Variants in DDX10 observed in about 807,000 individuals in gnomAD.
DDX10 encodes the protein DEAD-box helicase 10, also known as probable ATP-dependent RNA helicase DDX10.
In DDX10, 74 loss-of-function variants were observed where a neutral mutation model predicts 104.3. That is an observed-to-expected ratio of 0.71 (90% CI 0.59 to 0.86). DDX10 has a LOEUF of 0.86. Ranked by LOEUF, DDX10 falls within the 40% of genes least tolerant of loss-of-function variation. The probability of loss-of-function intolerance (pLI) is 0.00; values close to 1 mark genes in which losing one functional copy is unlikely to be tolerated. For synonymous variants in DDX10, 351 were observed against 353.4 expected (o/e 0.99, Z 0.08); for missense variants, 952 against 1,040.0 (o/e 0.92, Z 1.16).
At chr11:108,842,182 A>G (rs370565034) in intron 15 of DDX10, among the ~76,000 whole-genome samples, 9 of 152,218 alleles carry the variant, frequency 5.9e-5, no homozygotes, top group African/African-American at 1.9e-4. Context: ...GTGGTCACAC[A>G]TGATATTGTT....
intron 16 of DDX10, among the ~76,000 whole-genome samples, chr11:108,900,267 A>G (rs557842876): frequency 6.6e-6 from 1 of 152,318 alleles, no homozygotes; most frequent in African/African-American, 2.4e-5. Flanking sequence ...TTGTGAGCCA[A>G]TTAAACCTCT....
At position 108,691,872 on chromosome 11, in the gene DDX10, C is replaced by T. The variant is rs751398563; in HGVS notation, c.976-4C>T. 45 of 1,611,050 alleles carry T rather than the reference C, an allele frequency of 2.8e-5. No homozygotes were observed. Among genetic ancestry groups the T allele is most frequent in the Non-Finnish European group, 3.5e-5 (41 of 1,178,840 alleles). ...GCAAACTTATTCTTCTGTTGATGCC[C>T]CAGGTCCAGTATCTGTACCGAGTGT... On this transcript the variant is annotated splice_region_variant and splice_polypyrimidine_tract_variant and intron_variant, in intron 7 of 17. Transcript: ENST00000322536.
intron 16 of DDX10, among the ~76,000 whole-genome samples, chr11:108,880,520 G>T (rs1863213802): frequency 6.6e-6 from 1 of 152,216 alleles, no homozygotes; most frequent in East Asian, 1.9e-4. Flanking sequence ...TCAGAAGCCC[G>T]CTGTGTAAAC....
intron 16 of DDX10, among the ~76,000 whole-genome samples, chr11:108,860,262 G>C (rs913772242): frequency 6.6e-6 from 1 of 152,080 alleles, no homozygotes; most frequent in Non-Finnish European, 1.5e-5. Context: ...GTATGTAAAG[G>C]CTATATTAAG....
chr11:108,842,390 A>G (rs986826735), intron 15 of DDX10, among the ~76,000 whole-genome samples: 1 of 151,302 alleles, frequency 6.6e-6, no homozygotes, highest in African/African-American at 2.5e-5. Context: ...AGAACAAAAT[A>G]CCTTTGGATG....
intron 13 of DDX10, among the ~76,000 whole-genome samples, chr11:108,734,848 A>G (rs116403470): frequency 0.012 from 1,786 of 152,294 alleles, 37 homozygotes; most frequent in African/African-American, 0.041. Flanking sequence ...GAGTTTTCAA[A>G]TTCATAAACA....
chr11:108,815,837 GGA>G (rs1180620028), intron 13 of DDX10, among the ~76,000 whole-genome samples: 1 of 152,064 alleles, frequency 6.6e-6, no homozygotes, highest in Non-Finnish European at 1.5e-5. Context: ...ATTGAAATCT[GGA>G]CCTTCATCAT....
In DDX10 at chr11:108,679,355, C is replaced by A. The variant is rs768521720; in HGVS notation, c.659-16C>A. 1 of 1,579,192 alleles carries A rather than the reference C, an allele frequency of 6.3e-7. No individual in the cohort carries two copies. The highest frequency in any genetic ancestry group is 8.6e-7 in the Non-Finnish European group (1 of 1,167,746). ...ATTTTACATATGATAGTTCAACTTGCATTTTCCTTTTTCAGTTCTTGATGA... is the reference window on the plus strand; with the variant it reads ...ATTTTACATATGATAGTTCAACTTGAATTTTCCTTTTTCAGTTCTTGATGA... On this transcript the variant is annotated splice_polypyrimidine_tract_variant and intron_variant, in intron 5 of 17. Coordinates refer to ENST00000322536, the MANE Select transcript of DDX10 (RefSeq NM_004398.4).
At chr11:108,796,827 C>T (rs958743382) in intron 13 of DDX10, among the ~76,000 whole-genome samples, 4 of 152,112 alleles carry the variant, frequency 2.6e-5, no homozygotes, top group Non-Finnish European at 5.9e-5. Context: ...TGGATTAATG[C>T]TACTGTTGTG....
At chr11:108,665,428 G>A in intron 1 of DDX10, 89 bp downstream of exon 1, 1 of 1,413,804 alleles carries the variant, frequency 7.1e-7, no homozygotes, top group Non-Finnish European at 9.3e-7. Context: ...GGAGGCGGCG[G>A]ATCTGTCACC....
At chr11:108,840,327 T>C (rs1862619726) in intron 14 of DDX10, among the ~76,000 whole-genome samples, 1 of 152,216 alleles carries the variant, frequency 6.6e-6, no homozygotes, top group South Asian at 2.1e-4. Flanking sequence ...ATGTGTGTGC[T>C]TGCAGTTTCC....
chr11:108,865,144 C>T (rs1407497235), intron 16 of DDX10, among the ~76,000 whole-genome samples: 2 of 152,136 alleles, frequency 1.3e-5, no homozygotes, highest in Non-Finnish European at 1.5e-5. Flanking sequence ...GGAGAGAGTG[C>T]TTCGAGTGAT....
At chr11:108,686,421 C>T (rs375527376) in intron 6 of DDX10, among the ~76,000 whole-genome samples, 11 of 152,148 alleles carry the variant, frequency 7.2e-5, no homozygotes, top group Admixed American at 2.0e-4. Context: ...CCCTGGCAGC[C>T]GCTGATCTTT....
At chr11:108,910,167 C>T (rs1336563827) in intron 16 of DDX10, among the ~76,000 whole-genome samples, 1 of 151,152 alleles carries the variant, frequency 6.6e-6, no homozygotes, top group Non-Finnish European at 1.5e-5. Context: ...GCATGTTTTA[C>T]AAAGCTTATA....
intron 14 of DDX10, among the ~76,000 whole-genome samples, chr11:108,839,683 A>C (rs557960127): frequency 6.6e-6 from 1 of 152,346 alleles, no homozygotes; most frequent in African/African-American, 2.4e-5. Flanking sequence ...TGGGATGTAT[A>C]AATCAGACGA....
chr11:108,912,390 C>T (rs186629189), intron 16 of DDX10, among the ~76,000 whole-genome samples: 26 of 152,126 alleles, frequency 1.7e-4, no homozygotes, highest in African/African-American at 5.8e-4. Context: ...CTTAATATTT[C>T]TCATACCGAT....
chr11:108,882,205 A>G (rs899259517), intron 16 of DDX10, among the ~76,000 whole-genome samples: 5 of 152,160 alleles, frequency 3.3e-5, no homozygotes. Context: ...CTCTGAAGTC[A>G]TTTTCTTGCT....
intron 15 of DDX10, among the ~76,000 whole-genome samples, chr11:108,851,558 A>G (rs537499374): frequency 1.3e-5 from 2 of 150,684 alleles, no homozygotes; most frequent in South Asian, 4.1e-4. Context: ...TCACTATTGC[A>G]TTAATTGGCT....
chr11:108,689,511 G>A (rs1262753246), intron 7 of DDX10, among the ~76,000 whole-genome samples: 2 of 152,184 alleles, frequency 1.3e-5, no homozygotes, highest in Admixed American at 6.5e-5. Flanking sequence ...AAGTTCAAAT[G>A]TTATGCCTGA....
Sources: allele counts gnomAD v4.1 joint callset (sites outside exome capture counted in the v4.1 genomes callset), GRCh38; gene constraint gnomAD v4.1.1; transcripts MANE v1.5; gene names NCBI Gene and HGNC (gene_info 2026-07-23, HGNC 2026-07-21).